The following DRC11 variants were observed in gnomAD, a reference collection of about 807,000 sequenced individuals.
The protein encoded by DRC11 is IQ and AAA domain-containing protein 1.
chr2:236,467,286 G>A, the DRC11 span, among the ~76,000 whole-genome samples: 1 of 151,962 alleles, frequency 6.6e-6, no homozygotes, highest in Admixed American at 6.6e-5. Flanking sequence ...TTAGATAAAT[G>A]CCAGAGCACC....
the DRC11 span, among the ~76,000 whole-genome samples, chr2:236,406,750 T>A: frequency 7.1e-6 from 1 of 141,144 alleles, no homozygotes; most frequent in Non-Finnish European, 1.5e-5. This position sits in a 1 kb window ranked among gnomAD's most constrained non-coding sequence, Gnocchi z 4.7. Context: ...ATCTCCACTA[T>A]TTTTTTTTTT....
chr2:236,377,220 C>T, the DRC11 span: 2 of 1,353,992 alleles, frequency 1.5e-6, no homozygotes, highest in African/African-American at 1.4e-5. The surrounding 1 kb of genome is among the most constrained non-coding windows in gnomAD (Gnocchi z 4.9). Flanking sequence ...TCCAGAGGCA[C>T]ACACACAGAA....
the DRC11 span, among the ~76,000 whole-genome samples, chr2:236,485,098 T>C: frequency 3.3e-5 from 5 of 152,246 alleles, no homozygotes; most frequent in East Asian, 9.6e-4. Context: ...TCAGTTTCAC[T>C]ATTCATACTT....
the DRC11 span, among the ~76,000 whole-genome samples, chr2:236,466,250 G>C: frequency 6.6e-6 from 1 of 152,046 alleles, no homozygotes; most frequent in African/African-American, 2.4e-5. Flanking sequence ...TATCTGTCTA[G>C]AATTTATCAT....
At chr2:236,491,205 T>C in the DRC11 span, among the ~76,000 whole-genome samples, 1 of 59,330 alleles carries the variant, frequency 1.7e-5, no homozygotes, top group East Asian at 2.8e-4. Flanking sequence ...TATATATATA[T>C]ATATATACAC....
the DRC11 span, chr2:236,408,205 T>C: frequency 3.9e-6 from 3 of 767,594 alleles, no homozygotes; most frequent in South Asian, 1.3e-5. The surrounding 1 kb of genome is among the most constrained non-coding windows in gnomAD (Gnocchi z 5.5). Flanking sequence ...AAGGTAGCCC[T>C]GGCCGATCTT....
chr2:236,490,051 G>A, the DRC11 span, among the ~76,000 whole-genome samples: 3 of 152,342 alleles, frequency 2.0e-5, no homozygotes, highest in African/African-American at 7.2e-5. This position sits in a 1 kb window ranked among gnomAD's most constrained non-coding sequence, Gnocchi z 5.5. Flanking sequence ...GGCTTCATGT[G>A]TGGGGCGCTG....
chr2:236,354,892 T>C, the DRC11 span, among the ~76,000 whole-genome samples: 1 of 152,204 alleles, frequency 6.6e-6, no homozygotes, highest in African/African-American at 2.4e-5. Flanking sequence ...AGCCTGGCTC[T>C]CTTGTTGCCT....
the DRC11 span, among the ~76,000 whole-genome samples, chr2:236,359,952 A>G: frequency 6.6e-6 from 1 of 152,114 alleles, no homozygotes; most frequent in Non-Finnish European, 1.5e-5. This position sits in a 1 kb window ranked among gnomAD's most constrained non-coding sequence, Gnocchi z 4.3. Context: ...ACATTTTAAT[A>G]ATTTTTGACA....
At chr2:236,336,331 T>C in the DRC11 span, among the ~76,000 whole-genome samples, 3 of 152,160 alleles carry the variant, frequency 2.0e-5, no homozygotes, top group Non-Finnish European at 2.9e-5. The surrounding 1 kb of genome is among the most constrained non-coding windows in gnomAD (Gnocchi z 7.3). Flanking sequence ...ATATGCCCTC[T>C]GCTTTGCGGT....
chr2:236,401,860 G>C, the DRC11 span, among the ~76,000 whole-genome samples: 1 of 152,130 alleles, frequency 6.6e-6, no homozygotes, highest in East Asian at 1.9e-4. This position sits in a 1 kb window ranked among gnomAD's most constrained non-coding sequence, Gnocchi z 4.6. Flanking sequence ...TGCATCCCTC[G>C]TGATTTTTGC....
the DRC11 span, among the ~76,000 whole-genome samples, chr2:236,460,321 A>G: frequency 5.1e-3 from 773 of 152,278 alleles, 5 homozygotes; most frequent in Non-Finnish European, 7.5e-3. This position sits in a 1 kb window ranked among gnomAD's most constrained non-coding sequence, Gnocchi z 4.0. Context: ...TGGATCTTCA[A>G]AGGGCGTCCA....
At chr2:236,326,208 A>T in the DRC11 span, among the ~76,000 whole-genome samples, 1 of 152,206 alleles carries the variant, frequency 6.6e-6, no homozygotes, top group African/African-American at 2.4e-5. Context: ...TTTACTTGGA[A>T]TTGATTTTTA....
chr2:236,357,056 A>ATTTATTCATATATTATATATCTATATAT, the DRC11 span, among the ~76,000 whole-genome samples: 298 of 68,944 alleles, frequency 4.3e-3, 22 homozygotes, highest in Non-Finnish European at 6.4e-3. Flanking sequence ...TTATATATCT[A>ATTTATTCATATATTATATATCTATATAT]TTTATATATT....
the DRC11 span, among the ~76,000 whole-genome samples, chr2:236,402,033 G>T: frequency 6.6e-6 from 1 of 152,216 alleles, no homozygotes; most frequent in Non-Finnish European, 1.5e-5. The surrounding 1 kb of genome is among the most constrained non-coding windows in gnomAD (Gnocchi z 6.0). Context: ...GAATAAAAGA[G>T]GCTGGGTGTG....
chr2:236,354,943 G>A, the DRC11 span, among the ~76,000 whole-genome samples: 1 of 152,218 alleles, frequency 6.6e-6, no homozygotes, highest in Admixed American at 6.5e-5. Flanking sequence ...CTCTGACACA[G>A]CTGGACCCGG....
At chr2:236,408,761 G>C in the DRC11 span, 3 of 674,974 alleles carry the variant, frequency 4.4e-6, no homozygotes, top group South Asian at 3.1e-5. The surrounding 1 kb of genome is among the most constrained non-coding windows in gnomAD (Gnocchi z 5.5). Context: ...GAGCGAAGAT[G>C]GTCTTGAAGG....
chr2:236,321,586 A>C, the DRC11 span, among the ~76,000 whole-genome samples: 8 of 146,244 alleles, frequency 5.5e-5, no homozygotes, highest in African/African-American at 2.6e-5. Context: ...CGGACTTTGC[A>C]GTGACAGACA....
At chr2:236,493,734 T>C in the DRC11 span, 1 of 1,529,436 alleles carries the variant, frequency 6.5e-7, no homozygotes, top group South Asian at 1.2e-5. Context: ...TTACACAGAT[T>C]ATGGATTAAT....
Sources: allele counts gnomAD v4.1 joint callset (sites outside exome capture counted in the v4.1 genomes callset), GRCh38; gene constraint gnomAD v4.1.1; non-coding constraint Gnocchi (gnomAD v3.1); transcripts MANE v1.5; gene names NCBI Gene and HGNC (gene_info 2026-07-23, HGNC 2026-07-21).